Variants in MALRD1 observed in about 807,000 individuals in gnomAD.
MALRD1 encodes the protein MAM and LDL-receptor class A domain-containing protein 1.
Under a neutral mutation model 242.1 loss-of-function variants are expected in MALRD1, and 247 were observed. The ratio of observed to expected loss-of-function variants is 1.02; its 90% confidence interval spans 0.92 to 1.13. The LOEUF (loss-of-function observed/expected upper bound fraction) is 1.13. Ranked by LOEUF, MALRD1 falls within the 50% of genes most tolerant of loss-of-function variation. The pLI is 0.00. For missense variants in MALRD1, 2,989 were observed against 2,533.1 expected (o/e 1.18, Z -3.86); for synonymous variants, 995 against 866.6 (o/e 1.15, Z -2.60).
In MALRD1 at chr10:19,066,854, T is replaced by A. The variant is rs1312782774; in HGVS notation, c.335T>A (p.Val112Glu). The A allele has an allele frequency of 8.1e-7, 1 of 1,233,478 alleles. No individual in the cohort carries two copies. Among genetic ancestry groups the A allele is most frequent in the Non-Finnish European group, 1.0e-6 (1 of 987,978 alleles). The allele number at this position is 1,233,478 out of a possible 1,614,324, so 76.4% of individuals were successfully genotyped here. Residue 112 changes from valine to glutamate, a missense_variant, in exon 2 of 40, where the codon GTG (valine) becomes GAG (glutamate). Val to Glu is a moderately radical substitution (Grantham distance 121). Transcript: ENST00000454679. ...SPPFYDHNGD[V>E]SAHFLSLVSR... ...CCATTTTATGATCACAATGGTGATG[T>A]GTCTGGTAAATGCTTTAAATTTATT... is the stretch of plus-strand genomic sequence containing the variant.
At chr10:19,302,368 A>G (rs1448588458) in intron 21 of MALRD1, among the ~76,000 whole-genome samples, 1 of 151,834 alleles carries the variant, frequency 6.6e-6, no homozygotes, top group Admixed American at 6.6e-5. Context: ...ATAATAGATA[A>G]AATGTGGCCA....
At chr10:19,388,898 A>AT (rs1213216411) in intron 27 of MALRD1, among the ~76,000 whole-genome samples, 1 of 151,520 alleles carries the variant, frequency 6.6e-6, no homozygotes, top group Admixed American at 6.6e-5. Context: ...AAAAAAAAAA[A>AT]AGAAAAACTG....
At chr10:19,136,462 G>C (rs549077192) in intron 9 of MALRD1, 112 bp from the exon 10 acceptor site, 41 of 534,386 alleles carry the variant, frequency 7.7e-5, no homozygotes, top group African/African-American at 5.9e-4. Context: ...TATTGCCTTG[G>C]TTGCTTTAAA....
intron 21 of MALRD1, among the ~76,000 whole-genome samples, chr10:19,294,687 C>T (rs1204731327): frequency 1.3e-5 from 2 of 152,068 alleles, no homozygotes; most frequent in Non-Finnish European, 2.9e-5. Context: ...CATTCTCTAT[C>T]TTTGGATTTT....
intron 7 of MALRD1, among the ~76,000 whole-genome samples, chr10:19,126,362 C>CAA (rs1837282775): frequency 6.6e-6 from 1 of 152,050 alleles, no homozygotes; most frequent in East Asian, 1.9e-4. Context: ...AACTAATGTT[C>CAA]ACACTCCATA....
chr10:19,590,421 A>G (rs1429152209), intron 33 of MALRD1, among the ~76,000 whole-genome samples: 1 of 149,022 alleles, frequency 6.7e-6, no homozygotes, highest in Non-Finnish European at 1.5e-5. Context: ...ATAGGTGGTT[A>G]GATATCTATC....
intron 29 of MALRD1, among the ~76,000 whole-genome samples, chr10:19,475,582 A>G (rs188179518): frequency 1.2e-4 from 19 of 152,334 alleles, no homozygotes; most frequent in Non-Finnish European, 2.1e-4. Context: ...TTGAAATACT[A>G]TGTCAAAAAT....
intron 32 of MALRD1, among the ~76,000 whole-genome samples, chr10:19,553,421 G>A (rs1046555738): frequency 3.3e-5 from 5 of 151,866 alleles, no homozygotes; most frequent in African/African-American, 1.2e-4. Flanking sequence ...CAATATGTCA[G>A]AATATAAAAA....
At chr10:19,212,711 A>G (rs1275550409) in intron 18 of MALRD1, among the ~76,000 whole-genome samples, 1 of 152,086 alleles carries the variant, frequency 6.6e-6, no homozygotes, top group Non-Finnish European at 1.5e-5. Flanking sequence ...TCCCATCAGC[A>G]GTGTATGAGA....
Position 19,193,540 on chromosome 10 carries a change from C to A in MALRD1, c.1952-10188C>A, listed in dbSNP as rs1001164040. Among the ~76,000 whole-genome samples the A allele has an allele frequency of 2.0e-5, 3 of 151,978 alleles. No homozygotes were observed. In the East Asian group the frequency reaches 5.8e-4, roughly 29 times the overall value. On this transcript the variant is annotated intron_variant, in intron 14 of 39. Transcript: ENST00000454679. Reference sequence around the variant, plus strand: ...ACTGCATCCAGCCTGGGCAACACAGCGAGACCCCATCTCAAAAAAACAAAG... The same window carrying A: ...ACTGCATCCAGCCTGGGCAACACAGAGAGACCCCATCTCAAAAAAACAAAG...
chr10:19,666,589 C>A (rs1195061487), intron 36 of MALRD1, among the ~76,000 whole-genome samples: 1 of 152,166 alleles, frequency 6.6e-6, no homozygotes. Context: ...CGAGTATTCT[C>A]TTGGGAATAT....
chr10:19,531,140 G>T (rs1281257139), intron 31 of MALRD1, 54 bp from the exon 32 acceptor site: 4 of 1,409,976 alleles, frequency 2.8e-6, no homozygotes, highest in South Asian at 2.7e-5. Flanking sequence ...AACACATTCC[G>T]ACTCATGCGA....
intron 21 of MALRD1, among the ~76,000 whole-genome samples, chr10:19,306,105 G>GTA (rs1255910957): frequency 6.0e-5 from 5 of 82,818 alleles, no homozygotes; most frequent in Non-Finnish European, 1.1e-4. Flanking sequence ...ATACTAGATA[G>GTA]TATATATATA....
intron 13 of MALRD1, among the ~76,000 whole-genome samples, chr10:19,167,083 G>T (rs976754161): frequency 1.3e-5 from 2 of 152,206 alleles, no homozygotes; most frequent in Admixed American, 1.3e-4. Flanking sequence ...TAAAGGGTTG[G>T]GGGTGGTGGC....
At chr10:19,121,241 A>G (rs546417892) in intron 5 of MALRD1, among the ~76,000 whole-genome samples, 28 of 151,226 alleles carry the variant, frequency 1.9e-4, no homozygotes, top group Non-Finnish European at 3.5e-4. Context: ...GGGTTTCACC[A>G]TGTTGGCCAG....
At chr10:19,385,850 A>G (rs1564293402) in intron 26 of MALRD1, among the ~76,000 whole-genome samples, 1 of 152,040 alleles carries the variant, frequency 6.6e-6, no homozygotes, top group Non-Finnish European at 1.5e-5. Flanking sequence ...TTTTTAACGT[A>G]GGTATTTATC....
intron 13 of MALRD1, among the ~76,000 whole-genome samples, chr10:19,172,198 T>TACATATATATACATATATACAC: frequency 1.0e-5 from 1 of 97,962 alleles, no homozygotes; most frequent in Non-Finnish European, 2.4e-5. Context: ...TATATACACA[T>TACATATATATACATATATACAC]ATATATATGT....
At chr10:19,491,285 T>G (rs945423643) in intron 29 of MALRD1, 1 of 711,992 alleles carries the variant, frequency 1.4e-6, no homozygotes, top group African/African-American at 1.8e-5. Context: ...GCAAGGAGAT[T>G]TTCAGCACCA....
At chr10:19,159,418 C>G (rs1303239124) in intron 12 of MALRD1, among the ~76,000 whole-genome samples, 1 of 151,624 alleles carries the variant, frequency 6.6e-6, no homozygotes, top group Admixed American at 6.6e-5. Context: ...AAAGGTGCAG[C>G]AAGTGTGGCA....
Sources: gnomAD v4.1 joint callset for allele counts (sites outside exome capture counted in the v4.1 genomes callset) on GRCh38, gnomAD v4.1.1 for gene constraint, MANE v1.5 for transcripts, NCBI Gene and HGNC (gene_info 2026-07-23, HGNC 2026-07-21) for gene names.